Variants in STPG2 observed in about 807,000 individuals in gnomAD.
STPG2 encodes sperm tail PG-rich repeat containing 2, also known as sperm-tail PG-rich repeat-containing protein 2.
In STPG2, 56 loss-of-function variants were observed where a neutral mutation model predicts 54.2. The ratio of observed to expected loss-of-function variants is 1.03; its 90% confidence interval spans 0.83 to 1.29. The LOEUF (loss-of-function observed/expected upper bound fraction) is 1.29, where lower values mean the gene tolerates loss of function less well. STPG2 is among the 50% of genes most tolerant of loss of function. STPG2 has a pLI of 0.00. For synonymous variants in STPG2, 200 were observed against 181.8 expected (o/e 1.10, Z -0.81); for missense variants, 596 against 544.9 (o/e 1.09, Z -0.93).
At chr4:97,470,306 T>C (rs1460969359) in intron 4 of STPG2, among the ~76,000 whole-genome samples, 1 of 152,132 alleles carries the variant, frequency 6.6e-6, no homozygotes, top group East Asian at 1.9e-4. Flanking sequence ...TTTGCCTTTC[T>C]GGTTTGTACT....
intron 5 of STPG2, among the ~76,000 whole-genome samples, chr4:98,001,138 C>G (rs994904903): frequency 6.6e-6 from 1 of 151,972 alleles, no homozygotes; most frequent in African/African-American, 2.4e-5. Flanking sequence ...AATTTAATAT[C>G]GTAAATCTGA....
intron 4 of STPG2, among the ~76,000 whole-genome samples, chr4:97,532,271 T>C (rs1291682770): frequency 6.6e-6 from 1 of 152,178 alleles, no homozygotes; most frequent in Non-Finnish European, 1.5e-5. Flanking sequence ...TTCAGATTTC[T>C]TAAATTTTAC....
chr4:97,670,908 G>A (rs1722676382), intron 10 of STPG2, among the ~76,000 whole-genome samples: 1 of 152,192 alleles, frequency 6.6e-6, no homozygotes. Context: ...CTAAGGAAAT[G>A]CAGGGAGCTG....
At chr4:98,059,847 T>C (rs1737589494) in intron 5 of STPG2, among the ~76,000 whole-genome samples, 1 of 152,272 alleles carries the variant, frequency 6.6e-6, no homozygotes, top group African/African-American at 2.4e-5. Flanking sequence ...GAAAAGGCTT[T>C]TGATAAAATT....
chr4:97,640,193 C>T (rs1218507359), intron 10 of STPG2, among the ~76,000 whole-genome samples: 1 of 151,998 alleles, frequency 6.6e-6, no homozygotes, highest in Non-Finnish European at 1.5e-5. Flanking sequence ...TAAATGAACA[C>T]ACTTCCAAGA....
chr4:97,969,853 G>T (rs1734258152), intron 7 of STPG2, among the ~76,000 whole-genome samples: 1 of 152,168 alleles, frequency 6.6e-6, no homozygotes, highest in Non-Finnish European at 1.5e-5. Context: ...ATTCAATCAG[G>T]AAAGGAGGAA....
At chr4:97,856,005 A>G (rs922628297) in intron 8 of STPG2, among the ~76,000 whole-genome samples, 7 of 151,744 alleles carry the variant, frequency 4.6e-5, no homozygotes, top group African/African-American at 1.7e-4. Context: ...TGAGTTCTCT[A>G]TTCTGTTCTA....
chr4:98,018,125 A>G (rs13144564), intron 5 of STPG2, among the ~76,000 whole-genome samples: 59,829 of 151,792 alleles, frequency 0.39, 12,026 homozygotes, highest in Middle Eastern at 0.46. Flanking sequence ...CCAATAACTC[A>G]TCATTTAGCA....
intron 5 of STPG2, among the ~76,000 whole-genome samples, chr4:98,011,729 CAT>C (rs1355662463): frequency 1.3e-5 from 2 of 152,072 alleles, no homozygotes; most frequent in Non-Finnish European, 2.9e-5. Context: ...GAGCTTTTTT[CAT>C]ATGTTTGTTG....
intron 10 of STPG2, among the ~76,000 whole-genome samples, chr4:97,632,971 A>G (rs1721341488): frequency 6.6e-6 from 1 of 152,188 alleles, no homozygotes; most frequent in Non-Finnish European, 1.5e-5. Context: ...AAGATGGTAG[A>G]TAGATGGCAG....
chr4:98,048,863 A>C (rs1737225432), intron 5 of STPG2: 1 of 157,478 alleles, frequency 6.4e-6, no homozygotes, highest in Non-Finnish European at 1.4e-5. Flanking sequence ...TCATATAAAG[A>C]CTACAGAGGA....
intron 4 of STPG2, among the ~76,000 whole-genome samples, chr4:97,472,324 G>T (rs149880711): frequency 6.6e-6 from 1 of 152,200 alleles, no homozygotes; most frequent in African/African-American, 2.4e-5. Context: ...CCAGGGAGAC[G>T]CAGTCAGTGG....
intron 10 of STPG2, among the ~76,000 whole-genome samples, chr4:97,689,554 T>C (rs1723300250): frequency 6.6e-6 from 1 of 152,124 alleles, no homozygotes; most frequent in African/African-American, 2.4e-5. Context: ...TATATGACTA[T>C]TAAATGGTGC....
chr4:98,014,425 T>C (rs1379356710), intron 5 of STPG2, among the ~76,000 whole-genome samples: 1 of 152,092 alleles, frequency 6.6e-6, no homozygotes, highest in African/African-American at 2.4e-5. Context: ...GCCAGCTGCC[T>C]AGTCAGTCCT....
At chr4:97,464,774 T>C (rs1246431066) in intron 4 of STPG2, among the ~76,000 whole-genome samples, 1 of 152,188 alleles carries the variant, frequency 6.6e-6, no homozygotes, top group Non-Finnish European at 1.5e-5. Context: ...TGAATTATTC[T>C]TTAACAGAAT....
intron 9 of STPG2, among the ~76,000 whole-genome samples, chr4:97,717,352 T>C (rs1177473938): frequency 1.3e-5 from 2 of 152,242 alleles, no homozygotes; most frequent in East Asian, 3.8e-4. Flanking sequence ...CTGGAAGTTA[T>C]TGTGTACAAA....
At chr4:97,886,054 T>C (rs951138656) in intron 8 of STPG2, among the ~76,000 whole-genome samples, 2 of 152,114 alleles carry the variant, frequency 1.3e-5, no homozygotes, top group African/African-American at 4.8e-5. Context: ...AGTGTATGTA[T>C]AAAATAAATA....
chr4:97,562,653 G>A (rs543093174), intron 10 of STPG2, among the ~76,000 whole-genome samples: 1 of 152,082 alleles, frequency 6.6e-6, no homozygotes, highest in African/African-American at 2.4e-5. Context: ...TAGCATGAAG[G>A]GTTGTTGAAT....
At chr4:97,449,728 G>T (rs897941258) in intron 4 of STPG2, among the ~76,000 whole-genome samples, 14 of 152,246 alleles carry the variant, frequency 9.2e-5, no homozygotes, top group African/African-American at 3.4e-4. Flanking sequence ...TACAAGTTGA[G>T]AATACTGCAT....
Sources: allele counts gnomAD v4.1 joint callset (sites outside exome capture counted in the v4.1 genomes callset), GRCh38; gene constraint gnomAD v4.1.1; transcripts MANE v1.5; gene names NCBI Gene and HGNC (gene_info 2026-07-23, HGNC 2026-07-21).